PSMC1: variants seen among roughly 807,000 people sequenced by gnomAD.
PSMC1 encodes the protein 26S proteasome regulatory subunit 4.
A neutral mutation model predicts 49.8 loss-of-function variants in PSMC1; 5 were observed. That is an observed-to-expected ratio of 0.10 (90% CI 0.05 to 0.21). The LOEUF (loss-of-function observed/expected upper bound fraction) is 0.21. Among genes scored for constraint, PSMC1 ranks in the 10% least tolerant of loss-of-function variants. PSMC1 has a pLI of 1.00. For missense variants in PSMC1, 181 were observed against 535.7 expected (o/e 0.34, Z 6.54); for synonymous variants, 155 against 192.1 (o/e 0.81, Z 1.60).
chr14:90,261,961 A>G (rs570106911), intron 3 of PSMC1, among the ~76,000 whole-genome samples: 85 of 152,074 alleles, frequency 5.6e-4, no homozygotes, highest in African/African-American at 2.0e-3. Flanking sequence ...ATGGAATACT[A>G]TGCAGCCATA....
At chr14:90,267,534 G>A (rs892997629) in intron 7 of PSMC1, 1 of 152,220 alleles carries the variant, frequency 6.6e-6, no homozygotes, top group African/African-American at 2.4e-5. Context: ...GCTCTTCCCT[G>A]AGATCAGTGG....
intron 10 of PSMC1, 181 bp downstream of exon 10, chr14:90,270,533 G>A: frequency 1.5e-6 from 1 of 663,512 alleles, no homozygotes. Context: ...CATTCTTAAT[G>A]CATCATTTTA....
intron 6 of PSMC1, among the ~76,000 whole-genome samples, chr14:90,264,813 T>C (rs1891472454): frequency 6.6e-6 from 1 of 152,198 alleles, no homozygotes; most frequent in African/African-American, 2.4e-5. Flanking sequence ...CAAGAAGAGC[T>C]CCAGGCTGAC....
At position 90,263,603 on chromosome 14, in the gene PSMC1, T is replaced by C. The variant is rs528687469; in HGVS notation, c.280-59T>C. On this transcript the variant is annotated intron_variant, in intron 4 of 10. Transcript: ENST00000261303. The stretch of plus-strand genomic sequence containing the variant: ...GCTGCTTTGTAAATCTAGCGAACTA[T>C]CAGGATCATCTACTTTGAGGTCTAG... 4.5e-6 allele frequency: 7 copies of C among 1,568,636 alleles called. No homozygotes were observed. In the East Asian group the frequency reaches 1.6e-4, roughly 35 times the overall value.
intron 6 of PSMC1, 128 bp downstream of exon 6, chr14:90,264,297 C>T (rs1891462335): frequency 1.5e-6 from 2 of 1,310,146 alleles, no homozygotes; most frequent in African/African-American, 1.5e-5. Flanking sequence ...CAGAGCTTGC[C>T]AGTTGTGGTA....
At position 90,269,385 on chromosome 14, in the gene PSMC1, T is replaced by TG. The variant is rs776761950; in HGVS notation, c.882-12_882-11insG. 3 of 1,596,546 alleles carry TG rather than the reference T, an allele frequency of 1.9e-6. No individual in the cohort carries two copies. Among genetic ancestry groups the TG allele is most frequent in the Admixed American group, 3.5e-5 (2 of 57,454 alleles). On this transcript the variant is annotated splice_polypyrimidine_tract_variant and intron_variant, in intron 8 of 10. Transcript: ENST00000261303. ...TTGAGTCTTCATTCCTTCCCTTTTT[T>TG]TTTTTCCAAAGATATGACTCCAATT...
In PSMC1 at chr14:90,263,237, G is replaced by A. The variant is rs1595041858; in HGVS notation, c.155-81G>A. 1.2e-5 allele frequency: 17 copies of A among 1,409,750 alleles called. No homozygotes were observed. In the East Asian group the frequency reaches 2.0e-4, roughly 16 times the overall value. 87.3% of individuals were successfully genotyped at this position (1,409,750 alleles called of 1,614,324 possible). A position where few individuals can be genotyped will look rare whatever the true frequency, so the allele number is the denominator to read the frequency against. ...GAAGCTATCGCCAACAAAAATGAGCGTATTTTAAAATCTTAATATTTTTTC... is the reference window on the plus strand; with the variant it reads ...GAAGCTATCGCCAACAAAAATGAGCATATTTTAAAATCTTAATATTTTTTC... On this transcript the variant is annotated intron_variant, in intron 3 of 10. Transcript: ENST00000261303.
Position 90,274,859 on chromosome 14 carries a change from T to C in PSMC1, c.*2452T>C, listed in dbSNP as rs990780729. 6.7e-6 allele frequency: 1 copy of C among 150,004 alleles called. No individual in the cohort carries two copies. 9.3% of individuals were successfully genotyped at this position (150,004 alleles called of 1,614,324 possible). On this transcript the variant is annotated 3_prime_UTR_variant, in exon 11 of 11. Transcript: ENST00000261303. ...ACACACCCCAATACATATGAATTGA[T>C]CTGAAAGTTTGCTGAGGAAGGGGTA... is the stretch of plus-strand genomic sequence containing the variant.
chr14:90,274,838 A>ACACACACACACACCCC lies in PSMC1; in HGVS notation c.*2432_*2433insACACACACACACCCCC, dbSNP rs1491397403. 3.0e-5 allele frequency: 2 copies of ACACACACACACACCCC among 67,182 alleles called. No homozygotes were observed. The highest frequency in any genetic ancestry group is 3.4e-4 in the East Asian group (1 of 2,966). The allele number at this position is 67,182 out of a possible 1,614,324, so 4.2% of individuals were successfully genotyped here. ...CACACACACACACACACACACACAC[A>ACACACACACACACCCC]CCCCAATACATATGAATTGATCTGA... On this transcript the variant is annotated 3_prime_UTR_variant, in exon 11 of 11. Transcript: ENST00000261303.
intron 3 of PSMC1, among the ~76,000 whole-genome samples, chr14:90,262,525 T>C (rs1891420024): frequency 6.6e-6 from 1 of 152,094 alleles, no homozygotes; most frequent in Non-Finnish European, 1.5e-5. Flanking sequence ...GTAAAAATGA[T>C]ACAATTCCCA....
intron 7 of PSMC1, chr14:90,267,956 G>T: frequency 3.0e-6 from 1 of 332,452 alleles, no homozygotes; most frequent in Admixed American, 4.5e-5. Flanking sequence ...GTCAAGGTTG[G>T]AAAATAACCA....
At chr14:90,269,004 C>T (rs1299365501) in intron 8 of PSMC1, 1 of 164,690 alleles carries the variant, frequency 6.1e-6, no homozygotes, top group South Asian at 1.8e-4. Flanking sequence ...GAGACAAATG[C>T]TCAGGGGACA....
At chr14:90,268,191 C>CTT (rs34247505) in intron 7 of PSMC1, 33 bp from the exon 8 acceptor site, 8,808 of 1,291,222 alleles carry the variant, frequency 6.8e-3, no homozygotes, top group East Asian at 0.01. Context: ...CTTAAGGTGT[C>CTT]TTTTTTTTTT....
chr14:90,271,225 C>T (rs1193201992), intron 10 of PSMC1: 2 of 152,186 alleles, frequency 1.3e-5, no homozygotes, highest in African/African-American at 4.8e-5. Context: ...ACCTGATGGC[C>T]ATCACCAAAC....
At position 90,273,137 on chromosome 14, in the gene PSMC1, T is replaced by C. The variant is rs1566677012; in HGVS notation, c.*730T>C. 1 of 152,224 alleles carries C rather than the reference T, an allele frequency of 6.6e-6. No individual in the cohort carries two copies. The highest frequency in any genetic ancestry group is 1.5e-5 in the Non-Finnish European group (1 of 68,072). 9.4% of individuals were successfully genotyped at this position (152,224 alleles called of 1,614,324 possible). ...ACAAATCAGGCCTAAAGCTATTAAG[T>C]GGGACAGATCAAGGTAAGCGTTCCC... On this transcript the variant is annotated 3_prime_UTR_variant, in exon 11 of 11. Coordinates refer to ENST00000261303, the MANE Select transcript of PSMC1 (RefSeq NM_002802.3).
Position 90,273,178 on chromosome 14 carries a change from G to A in PSMC1, c.*771G>A, listed in dbSNP as rs1474865740. The A allele has an allele frequency of 1.3e-5, 2 of 152,200 alleles. No individual in the cohort carries two copies. The highest frequency in any genetic ancestry group is 2.9e-5 in the Non-Finnish European group (2 of 68,046). The allele number at this position is 152,200 out of a possible 1,614,324, so 9.4% of individuals were successfully genotyped here. ...AAGCGTTCCCTTGACAGGTGGCCTGGTGTGGGTTGTAGGGCCCACACTGAA... is the reference window on the plus strand; with the variant it reads ...AAGCGTTCCCTTGACAGGTGGCCTGATGTGGGTTGTAGGGCCCACACTGAA... On this transcript the variant is annotated 3_prime_UTR_variant, in exon 11 of 11. Coordinates refer to ENST00000261303, the MANE Select transcript of PSMC1 (RefSeq NM_002802.3).
chr14:90,261,135 G>C (rs1036441756), intron 3 of PSMC1, among the ~76,000 whole-genome samples: 1 of 152,016 alleles, frequency 6.6e-6, no homozygotes, highest in Non-Finnish European at 1.5e-5. Context: ...CTTGCTCATC[G>C]GTCACACTGC....
chr14:90,266,236 CAG>C (rs1891510127), intron 7 of PSMC1, among the ~76,000 whole-genome samples: 1 of 150,878 alleles, frequency 6.6e-6, no homozygotes, highest in African/African-American at 2.5e-5. Flanking sequence ...GCCTGGGTGA[CAG>C]AGCGAGACCA....
At chr14:90,266,467 C>T (rs1891517109) in intron 7 of PSMC1, among the ~76,000 whole-genome samples, 1 of 152,210 alleles carries the variant, frequency 6.6e-6, no homozygotes, top group African/African-American at 2.4e-5. Flanking sequence ...GAAGAGATCC[C>T]TCTTCTACAG....
Sources: allele counts gnomAD v4.1 joint callset (sites outside exome capture counted in the v4.1 genomes callset), GRCh38; gene constraint gnomAD v4.1.1; transcripts MANE v1.5; gene names NCBI Gene and HGNC (gene_info 2026-07-23, HGNC 2026-07-21).